Variants in CERS4 observed in about 807,000 individuals in gnomAD.
The protein encoded by CERS4 is ceramide synthase 4.
A neutral mutation model predicts 51.8 loss-of-function variants in CERS4; 65 were observed. The observed-to-expected ratio is 1.26, with a 90% CI of 1.03 to 1.54. The LOEUF (loss-of-function observed/expected upper bound fraction) is 1.54. Ranked by LOEUF, CERS4 falls within the 40% of genes most tolerant of loss-of-function variation. The pLI is 0.00. For synonymous variants in CERS4, 228 were observed against 208.4 expected (o/e 1.09, Z -0.81); for missense variants, 563 against 500.4 (o/e 1.13, Z -1.19).
intron 3 of CERS4, among the ~76,000 whole-genome samples, chr19:8,253,614 G>A (rs944480556): frequency 2.6e-5 from 4 of 151,914 alleles, no homozygotes; most frequent in Admixed American, 6.6e-5. Flanking sequence ...ACAGGGGCCC[G>A]CCACCTCGCC....
In CERS4 at chr19:8,237,566, G is replaced by C. The variant is rs1047927726; in HGVS notation, c.-1-13510G>C. On this transcript the variant is annotated intron_variant, in intron 2 of 11. Coordinates refer to ENST00000251363, the MANE Select transcript of CERS4 (RefSeq NM_024552.3). ...CTGCATCTCAAAAAAACAGAAAAAA[G>C]TAGGCCAGGCATGGTGGCTTATGCC... Among the ~76,000 whole-genome samples, 8 of 150,842 alleles carry C rather than the reference G, an allele frequency of 5.3e-5. No homozygotes were observed. In the East Asian group the frequency reaches 1.6e-3, roughly 30 times the overall value.
intron 2 of CERS4, among the ~76,000 whole-genome samples, chr19:8,236,348 A>G (rs569134780): frequency 2.6e-5 from 4 of 152,062 alleles, no homozygotes; most frequent in Admixed American, 6.6e-5. Context: ...TGGAGGGGGA[A>G]CTCTGTATAT....
chr19:8,223,353 T>G (rs1016904847), intron 2 of CERS4, among the ~76,000 whole-genome samples: 2 of 150,966 alleles, frequency 1.3e-5, no homozygotes, highest in Non-Finnish European at 2.9e-5. Context: ...CAGTGGTTCA[T>G]GCCTGTAATC....
At chr19:8,230,123 C>A (rs1196981186) in intron 2 of CERS4, among the ~76,000 whole-genome samples, 1 of 152,126 alleles carries the variant, frequency 6.6e-6, no homozygotes, top group Non-Finnish European at 1.5e-5. Flanking sequence ...AAATATTTCA[C>A]CTGCCCCATT....
chr19:8,238,162 G>A (rs777447272), intron 2 of CERS4, among the ~76,000 whole-genome samples: 25 of 152,096 alleles, frequency 1.6e-4, no homozygotes, highest in Non-Finnish European at 3.2e-4. Flanking sequence ...TTTACTCTGG[G>A]ATGCTGGGGG....
intron 2 of CERS4, among the ~76,000 whole-genome samples, chr19:8,223,979 G>A (rs1349294503): frequency 6.6e-6 from 1 of 151,380 alleles, no homozygotes; most frequent in Admixed American, 6.6e-5. Flanking sequence ...GTGCGTGTCT[G>A]TAGTCCCAGA....
intron 2 of CERS4, among the ~76,000 whole-genome samples, chr19:8,247,474 T>C (rs1177840325): frequency 6.6e-6 from 1 of 152,060 alleles, no homozygotes; most frequent in Non-Finnish European, 1.5e-5. Flanking sequence ...GGCTGGAGTA[T>C]AGTGGTGTGA....
In CERS4 at chr19:8,217,912, A is replaced by G. The variant is rs112216491; in HGVS notation, c.-2+7050A>G. 6.3e-3 allele frequency among the ~76,000 whole-genome samples: 966 copies of G among 152,162 alleles called. 13 individuals are homozygous for G. The highest frequency in any genetic ancestry group is 0.022 in the African/African-American group (903 of 41,514). On this transcript the variant is annotated intron_variant, in intron 2 of 11. Transcript: ENST00000251363. The stretch of plus-strand genomic sequence containing the variant: ...GGTCTCGAACTCCTGATCTCAAGTG[A>G]TCTGCCCGCCTCATCCTCCCAAAGT...
chr19:8,253,203 G>A (rs1051447999), intron 3 of CERS4, among the ~76,000 whole-genome samples: 3 of 152,188 alleles, frequency 2.0e-5, no homozygotes, highest in Non-Finnish European at 4.4e-5. Flanking sequence ...CATTGACCAG[G>A]GTCCCTGATC....
At chr19:8,254,733 AAT>A in intron 4 of CERS4, 117 bp downstream of exon 4, 1 of 826,818 alleles carries the variant, frequency 1.2e-6, no homozygotes, top group Non-Finnish European at 2.0e-6. Flanking sequence ...GCACCCCTGC[AAT>A]GCCCCTACTT....
At chr19:8,251,967 C>G (rs1969106061) in intron 3 of CERS4, among the ~76,000 whole-genome samples, 1 of 151,572 alleles carries the variant, frequency 6.6e-6, no homozygotes, top group Non-Finnish European at 1.5e-5. Flanking sequence ...TAGCTGATTC[C>G]TGTAATGTCA....
chr19:8,215,793 A>G (rs1967276393), intron 2 of CERS4, among the ~76,000 whole-genome samples: 1 of 152,174 alleles, frequency 6.6e-6, no homozygotes, highest in Admixed American at 6.5e-5. Context: ...GTGATCTGGC[A>G]GGTGTGATGA....
intron 2 of CERS4, among the ~76,000 whole-genome samples, chr19:8,213,230 C>G (rs1967152516): frequency 6.6e-6 from 1 of 151,650 alleles, no homozygotes; most frequent in Non-Finnish European, 1.5e-5. Context: ...TTGCCAGTTG[C>G]CCAGGCTGGT....
chr19:8,221,882 T>TTTG (rs1380637963), intron 2 of CERS4, among the ~76,000 whole-genome samples: 20 of 95,526 alleles, frequency 2.1e-4, no homozygotes, highest in South Asian at 3.8e-4. Flanking sequence ...GTTTTTTTTT[T>TTTG]TTTTTTTTTT....
intron 2 of CERS4, among the ~76,000 whole-genome samples, chr19:8,246,099 C>CAAA (rs925250373): frequency 4.0e-5 from 6 of 149,680 alleles, no homozygotes; most frequent in African/African-American, 2.5e-5. Context: ...ACAACAACAA[C>CAAA]AAAAAAACAA....
chr19:8,218,555 C>T (rs962819217), intron 2 of CERS4, among the ~76,000 whole-genome samples: 4 of 152,168 alleles, frequency 2.6e-5, no homozygotes, highest in East Asian at 1.9e-4. Context: ...CAGGGCAGTG[C>T]GTTCGGCCAG....
chr19:8,233,681 C>T lies in CERS4; in HGVS notation c.-1-17395C>T, dbSNP rs1968114488. On this transcript the variant is annotated intron_variant, in intron 2 of 11. Transcript: ENST00000251363. ...CCATTGAACATAGCTCTTCCTCCAC[C>T]CCATACCTCCTTTAGTAATTTTTAA... Among the ~76,000 whole-genome samples the T allele has an allele frequency of 3.3e-5, 5 of 152,040 alleles. 1 individual carries two copies. The South Asian group carries it at 1.0e-3, about 32-fold the overall frequency.
chr19:8,236,680 TAAAAAAAA>T (rs59164781), intron 2 of CERS4, among the ~76,000 whole-genome samples: 23 of 122,358 alleles, frequency 1.9e-4, no homozygotes, highest in Middle Eastern at 4.3e-3. Flanking sequence ...CCCTGTCTTC[TAAAAAAAA>T]AAAAAAAAAA....
At chr19:8,218,973 G>A (rs1415677837) in intron 2 of CERS4, among the ~76,000 whole-genome samples, 4 of 151,994 alleles carry the variant, frequency 2.6e-5, no homozygotes, top group Admixed American at 6.6e-5. Context: ...TTGGGAGGCC[G>A]AGGCGGGAGG....
Sources: allele counts gnomAD v4.1 joint callset (sites outside exome capture counted in the v4.1 genomes callset), GRCh38; gene constraint gnomAD v4.1.1; transcripts MANE v1.5; gene names NCBI Gene and HGNC (gene_info 2026-07-23, HGNC 2026-07-21).